COL9A1: variants seen among roughly 807,000 people sequenced by gnomAD.
The protein encoded by COL9A1 is collagen type IX alpha 1 chain, also known as collagen alpha-1(IX) chain.
In COL9A1, 104 loss-of-function variants were observed where a neutral mutation model predicts 142.6. That is an observed-to-expected ratio of 0.73 (90% CI 0.62 to 0.86). The LOEUF is 0.86. COL9A1 is among the 40% of genes least tolerant of loss of function. COL9A1 has a pLI of 0.00. For synonymous variants in COL9A1, 466 were observed against 396.0 expected, an observed-to-expected ratio of 1.18 and a Z score of -2.10; for missense variants, 1,210 against 1,176.6, an observed-to-expected ratio of 1.03 and a Z score of -0.42.
intron 10 of COL9A1, chr6:70,279,859 G>T: frequency 2.2e-6 from 1 of 463,312 alleles, no homozygotes; most frequent in Non-Finnish European, 4.0e-6. Flanking sequence ...ATAGGTTTTC[G>T]AGTGCTTTCT....
intron 18 of COL9A1, among the ~76,000 whole-genome samples, chr6:70,266,144 G>A (rs571318009): frequency 5.3e-5 from 8 of 152,304 alleles, no homozygotes; most frequent in African/African-American, 1.9e-4. Flanking sequence ...TGCAGGGCAT[G>A]CCAGCTGCAA....
At chr6:70,269,744 G>C in intron 15 of COL9A1, 79 bp from the exon 16 acceptor site, 1 of 859,642 alleles carries the variant, frequency 1.2e-6, no homozygotes, top group Non-Finnish European at 2.0e-6. Context: ...AAGCTCATCA[G>C]GCAAAAGTAT....
rs1028844209 is a variant in COL9A1 at position 70,216,952 on chromosome 6, G to C, written c.2711C>G (p.Ala904Gly). ...CTGACCAGCCTGCATGGTGCAGGAG[G>C]CTGGCTCACAGAAACCGGGAAGCCC... is the stretch of plus-strand genomic sequence containing the variant. ...PPGLPGFCEP[A>G]SCTMQAGQRA... Residue 904 changes from alanine to glycine, a missense_variant, in exon 38 of 38, where the codon GCC (alanine) becomes GGC (glycine). Ala to Gly is a moderately conservative substitution (Grantham distance 60). Transcript: ENST00000357250. The C allele has an allele frequency of 2.5e-6, 4 of 1,613,994 alleles. No individual in the cohort carries two copies. The highest frequency in any genetic ancestry group is 1.7e-5 in the Admixed American group (1 of 60,006).
chr6:70,262,446 C>G (rs1771749645), intron 19 of COL9A1, among the ~76,000 whole-genome samples: 1 of 152,182 alleles, frequency 6.6e-6, no homozygotes, highest in Non-Finnish European at 1.5e-5. Flanking sequence ...TTTAAACAGC[C>G]AGTCCTGTGG....
chr6:70,281,002 A>G lies in COL9A1; in HGVS notation c.912+2T>C, dbSNP rs1554245704. On this transcript the variant is annotated splice_donor_variant, in intron 9 of 37. Transcript: ENST00000357250. LOFTEE classifies it high-confidence loss of function. ...GAGCGCCATATGCTCCAATCAACTT[A>G]CCGGGGGGCCCGGGGGGCCCTTAGG... 7 of 1,613,618 alleles carry G rather than the reference A, an allele frequency of 4.3e-6. No individual in the cohort carries two copies. The highest frequency in any genetic ancestry group is 3.3e-5 in the South Asian group (3 of 91,074).
At chr6:70,226,553 T>A (rs1212601236) in intron 36 of COL9A1, among the ~76,000 whole-genome samples, 1 of 151,970 alleles carries the variant, frequency 6.6e-6, no homozygotes, top group Non-Finnish European at 1.5e-5. Context: ...AAAATTAATA[T>A]ATGGAAATTA....
At chr6:70,218,092 G>A (rs955416552) in intron 37 of COL9A1, among the ~76,000 whole-genome samples, 6 of 152,178 alleles carry the variant, frequency 3.9e-5, no homozygotes, top group Non-Finnish European at 7.3e-5. Flanking sequence ...GCAGTGAGCC[G>A]AGATCGCGCC....
At chr6:70,251,059 G>T (rs1040640054) in intron 28 of COL9A1, among the ~76,000 whole-genome samples, 6 of 152,058 alleles carry the variant, frequency 3.9e-5, no homozygotes, top group Non-Finnish European at 8.8e-5. Flanking sequence ...TTTTCATAAC[G>T]GCCAAAAAAT....
At chr6:70,280,299 G>T in intron 10 of COL9A1, 1 of 1,227,534 alleles carries the variant, frequency 8.1e-7, no homozygotes. Flanking sequence ...CTCACTTCAA[G>T]TGCATCTTTC....
In COL9A1 at chr6:70,254,540, A is replaced by G. The variant is rs1771144727; in HGVS notation, c.1666-11T>C. The G allele has an allele frequency of 6.2e-7, 1 of 1,613,836 alleles. No individual in the cohort carries two copies. The highest frequency in any genetic ancestry group is 1.3e-5 in the African/African-American group (1 of 74,926). Reference sequence around the variant, plus strand: ...TTTTCCTGGTTCACCCTGCAAAAAAAGCTTTTATCACATGATTGAACCTGT... The same window carrying G: ...TTTTCCTGGTTCACCCTGCAAAAAAGGCTTTTATCACATGATTGAACCTGT... On this transcript the variant is annotated splice_polypyrimidine_tract_variant and intron_variant, in intron 24 of 37. Transcript: ENST00000357250.
At chr6:70,268,731 G>C (rs1302762720) in intron 17 of COL9A1, 73 bp downstream of exon 17, 1 of 1,367,968 alleles carries the variant, frequency 7.3e-7, no homozygotes, top group Non-Finnish European at 1.0e-6. Context: ...CACCAGGAAG[G>C]CTAATGCTTA....
chr6:70,225,094 TCAA>T (rs1459948993), intron 37 of COL9A1, among the ~76,000 whole-genome samples: 1 of 152,212 alleles, frequency 6.6e-6, no homozygotes, highest in African/African-American at 2.4e-5. Flanking sequence ...AAGTATCATC[TCAA>T]CTCTCCTCAG....
chr6:70,234,376 C>T (rs528455460), intron 35 of COL9A1, among the ~76,000 whole-genome samples, 163 bp downstream of exon 35: 102 of 151,860 alleles, frequency 6.7e-4, no homozygotes, highest in African/African-American at 2.5e-3. Context: ...ATTGTGGATG[C>T]CAATAGTTGG....
At chr6:70,243,226 A>T (rs1770377582) in intron 28 of COL9A1, among the ~76,000 whole-genome samples, 1 of 152,210 alleles carries the variant, frequency 6.6e-6, no homozygotes, top group South Asian at 2.1e-4. Flanking sequence ...AAAGACACAG[A>T]TGGTAAAAAT....
At chr6:70,239,190 A>G in intron 33 of COL9A1, 64 bp downstream of exon 33, 1 of 1,014,724 alleles carries the variant, frequency 9.9e-7, no homozygotes. Flanking sequence ...GCAGAATATT[A>G]TATATTCTAC....
At chr6:70,268,718 C>T in intron 17 of COL9A1, 86 bp downstream of exon 17, 3 of 1,245,364 alleles carry the variant, frequency 2.4e-6, no homozygotes, top group Non-Finnish European at 3.5e-6. Context: ...AGTGGGGTCT[C>T]TGCACCAGGA....
rs1052820141 is a variant in COL9A1 at position 70,261,151 on chromosome 6, G to C, written c.1396-441C>G. ...ACCATCAAAAGCAGTAGGTTCCCAG[G>C]CTAGCCCACGAAAGCCTATAACCTA... On this transcript the variant is annotated intron_variant, in intron 19 of 37. Coordinates refer to ENST00000357250, the MANE Select transcript of COL9A1 (RefSeq NM_001851.6). The C allele has an allele frequency of 1.2e-5, 2 of 170,020 alleles. 1 individual carries two copies. The highest frequency in any genetic ancestry group is 2.8e-4 in the South Asian group (2 of 7,076). The allele number at this position is 170,020 out of a possible 1,614,324, so 10.5% of individuals were successfully genotyped here.
rs1480116815 is a variant in COL9A1, at chr6:70,281,119, C to A, written c.877-80G>T. The A allele has an allele frequency of 3.2e-6, 4 of 1,235,842 alleles. No homozygotes were observed. The Admixed American group carries it at 8.5e-5, about 26-fold the overall frequency. 76.6% of individuals were successfully genotyped at this position (1,235,842 alleles called of 1,614,324 possible). On this transcript the variant is annotated intron_variant, in intron 8 of 37. Coordinates refer to ENST00000357250, the MANE Select transcript of COL9A1 (RefSeq NM_001851.6). ...CCCCACTGGGACAATCCCAGGAGAG[C>A]TCACTTCACAGATGGGGATGGTGTA...
chr6:70,220,976 A>AAT (rs909551872), intron 37 of COL9A1, among the ~76,000 whole-genome samples: 71 of 152,240 alleles, frequency 4.7e-4, no homozygotes, highest in African/African-American at 1.5e-3. Context: ...TGGATATACT[A>AAT]ATTACCCTAA....
Sources: allele counts gnomAD v4.1 joint callset (sites outside exome capture counted in the v4.1 genomes callset), GRCh38; gene constraint gnomAD v4.1.1; transcripts MANE v1.5; gene names NCBI Gene and HGNC (gene_info 2026-07-23, HGNC 2026-07-21).